LINGO2: variants seen among roughly 807,000 people sequenced by gnomAD.
LINGO2 encodes the protein leucine-rich repeat and immunoglobulin-like domain-containing nogo receptor-interacting protein 2.
A neutral mutation model predicts 30.6 loss-of-function variants in LINGO2; 14 were observed. The observed-to-expected ratio is 0.46, with a 90% CI of 0.30 to 0.72. The LOEUF is 0.72. Ranked by LOEUF, LINGO2 falls within the 30% of genes least tolerant of loss-of-function variation. The pLI, the probability that LINGO2 is intolerant of heterozygous loss-of-function variation, is 0.07. For missense variants in LINGO2, 729 were observed against 751.7 expected, an observed-to-expected ratio of 0.97 and a Z score of 0.35; for synonymous variants, 317 against 288.5, an observed-to-expected ratio of 1.10 and a Z score of -1.00.
chr9:28,823,206 C>T, the LINGO2 span, among the ~76,000 whole-genome samples: 1 of 152,030 alleles, frequency 6.6e-6, no homozygotes, highest in East Asian at 1.9e-4. Context: ...ATAGGACCTT[C>T]CTGGAGTGTG....
chr9:28,626,845 T>TGC (rs1250167765), intron 1 of LINGO2, among the ~76,000 whole-genome samples: 3 of 151,818 alleles, frequency 2.0e-5, no homozygotes, highest in African/African-American at 4.8e-5. Flanking sequence ...TGTGTGTGTG[T>TGC]CTTCCATTAT....
At chr9:28,879,842 G>A in the LINGO2 span, among the ~76,000 whole-genome samples, 6 of 125,302 alleles carry the variant, frequency 4.8e-5, no homozygotes, top group African/African-American at 8.1e-5. Context: ...AATTGACTAG[G>A]AAAACAAAAA....
At chr9:28,271,687 G>T (rs950279521) in intron 4 of LINGO2, among the ~76,000 whole-genome samples, 4 of 152,090 alleles carry the variant, frequency 2.6e-5, no homozygotes, top group African/African-American at 9.7e-5. Flanking sequence ...CCTTCATGTG[G>T]TATTCTGAAT....
At chr9:28,470,808 G>A (rs115058018) in intron 2 of LINGO2, among the ~76,000 whole-genome samples, 1,918 of 151,060 alleles carry the variant, frequency 0.013, 34 homozygotes, top group African/African-American at 0.044. Flanking sequence ...TTTAAATTAA[G>A]TGGGATTGTT....
intron 3 of LINGO2, among the ~76,000 whole-genome samples, chr9:28,340,524 A>G (rs945131083): frequency 3.3e-5 from 5 of 152,156 alleles, no homozygotes; most frequent in Non-Finnish European, 5.9e-5. Flanking sequence ...AACAGTATTT[A>G]TTTTTGAATT....
intron 1 of LINGO2, among the ~76,000 whole-genome samples, chr9:28,644,277 A>G (rs1361842506): frequency 2.0e-5 from 3 of 152,118 alleles, no homozygotes; most frequent in Non-Finnish European, 2.9e-5. Flanking sequence ...AATAGCAAAG[A>G]TTTGGAAGCA....
At position 28,626,958 on chromosome 9, in the gene LINGO2, CTT is replaced by C. The variant is rs924020877; in HGVS notation, c.-365+43240_-365+43241del. Among the ~76,000 whole-genome samples, 5 of 151,898 alleles carry C rather than the reference CTT, an allele frequency of 3.3e-5. 1 individual carries two copies. Among genetic ancestry groups the C allele is most frequent in the African/African-American group, 1.2e-4 (5 of 41,474 alleles). ...CTAATAATATCTGTCATTTCTGAAT[CTT>C]TTTTATTAGCTGATGCATTTCTCCT... is the stretch of plus-strand genomic sequence containing the variant. On this transcript the variant is annotated intron_variant, in intron 1 of 5. Transcript: ENST00000379992.
chr9:27,949,820 G>A, exon 6 of LINGO2: 2 of 1,614,092 alleles, frequency 1.2e-6, no homozygotes, highest in South Asian at 1.1e-5. Flanking sequence ...TAGTGCTGAT[G>A]GGATTGTAGG....
intron 5 of LINGO2, among the ~76,000 whole-genome samples, chr9:27,987,504 A>AC (rs897542945): frequency 2.1e-4 from 32 of 151,734 alleles, no homozygotes; most frequent in African/African-American, 7.3e-4. Flanking sequence ...TAAGTACTGT[A>AC]CCCCCCAAAC....
chr9:28,108,788 T>C (rs1218335494), intron 4 of LINGO2, among the ~76,000 whole-genome samples: 3 of 152,120 alleles, frequency 2.0e-5, no homozygotes, highest in African/African-American at 4.8e-5. Context: ...ATTTAATACA[T>C]CTACCCTGAG....
the LINGO2 span, among the ~76,000 whole-genome samples, chr9:28,859,618 T>G: frequency 1.1e-4 from 17 of 152,150 alleles, no homozygotes; most frequent in South Asian, 4.1e-4. Context: ...GTTTGGAATT[T>G]TGCCATGAAT....
At chr9:28,488,797 G>A (rs1033419990) in intron 1 of LINGO2, among the ~76,000 whole-genome samples, 1 of 152,070 alleles carries the variant, frequency 6.6e-6, no homozygotes, top group Non-Finnish European at 1.5e-5. Flanking sequence ...TGATGGTCCT[G>A]GTTATACTAA....
rs542105340 is a variant in LINGO2 at position 28,093,020 on chromosome 9, A to G, written c.-86-80615T>C. Among the ~76,000 whole-genome samples, 18 of 152,150 alleles carry G rather than the reference A, an allele frequency of 1.2e-4. No individual in the cohort carries two copies. In the South Asian group the frequency reaches 3.7e-3, roughly 32 times the overall value. On this transcript the variant is annotated intron_variant, in intron 4 of 5. Transcript: ENST00000379992. ...TGCCAAGATAGGCTAAGTTACTTGT[A>G]TAGGGTCACACAGACTTAGCAAGTT...
At chr9:28,978,474 C>A in the LINGO2 span, among the ~76,000 whole-genome samples, 1 of 152,030 alleles carries the variant, frequency 6.6e-6, no homozygotes, top group East Asian at 1.9e-4. Context: ...GGGAGGAAAC[C>A]TAATTAAATT....
At chr9:28,666,722 GAA>G (rs1024806959) in intron 1 of LINGO2, among the ~76,000 whole-genome samples, 1 of 151,952 alleles carries the variant, frequency 6.6e-6, no homozygotes, top group Non-Finnish European at 1.5e-5. Context: ...CATATAAATT[GAA>G]AAAGAGACAT....
chr9:28,790,325 CTTT>C, the LINGO2 span, among the ~76,000 whole-genome samples: 540 of 106,226 alleles, frequency 5.1e-3, 1 homozygote, highest in African/African-American at 0.02. Context: ...TCTTTTCTTT[CTTT>C]TTTTTTTTTT....
the LINGO2 span, among the ~76,000 whole-genome samples, chr9:28,867,091 G>C: frequency 6.6e-6 from 1 of 152,076 alleles, no homozygotes; most frequent in East Asian, 1.9e-4. Flanking sequence ...AAGTAAAACA[G>C]CTGCAGAACT....
chr9:28,795,983 TACAC>T, the LINGO2 span, among the ~76,000 whole-genome samples: 209 of 138,006 alleles, frequency 1.5e-3, no homozygotes, highest in Middle Eastern at 0.011. Context: ...CAGTACTAGA[TACAC>T]ACACACACAC....
chr9:28,883,012 C>T, the LINGO2 span, among the ~76,000 whole-genome samples: 1 of 152,050 alleles, frequency 6.6e-6, no homozygotes, highest in Non-Finnish European at 1.5e-5. Context: ...GTTAACTGGC[C>T]TTCCCCAATT....
Sources: allele counts gnomAD v4.1 joint callset (sites outside exome capture counted in the v4.1 genomes callset), GRCh38; gene constraint gnomAD v4.1.1; transcripts MANE v1.5; gene names NCBI Gene and HGNC (gene_info 2026-07-23, HGNC 2026-07-21).